ROBO2: variants seen among roughly 807,000 people sequenced by gnomAD.
ROBO2 encodes the protein roundabout homolog 2.
Under a neutral mutation model 160.8 loss-of-function variants are expected in ROBO2, and 53 were observed. That is an observed-to-expected ratio of 0.33 (90% CI 0.26 to 0.41). The LOEUF is 0.41. Ranked by LOEUF, ROBO2 falls within the 10% of genes least tolerant of loss-of-function variation. ROBO2 has a pLI of 1.00. For synonymous variants in ROBO2, 664 were observed against 611.7 expected, an observed-to-expected ratio of 1.09 and a Z score of -1.26; for missense variants, 1,577 against 1,722.4, an observed-to-expected ratio of 0.92 and a Z score of 1.49.
intron 23 of ROBO2, chr3:77,634,043 A>C (rs1220368285): frequency 6.6e-6 from 1 of 152,220 alleles, no homozygotes; most frequent in Non-Finnish European, 1.5e-5. Flanking sequence ...CATGCACATA[A>C]ACCAGGCCTC....
At chr3:76,557,606 T>C in intron 2 of ROBO2, among the ~76,000 whole-genome samples, 1 of 53,842 alleles carries the variant, frequency 1.9e-5, no homozygotes, top group Non-Finnish European at 4.3e-5. Flanking sequence ...AAGGGTGCCT[T>C]TTTTTTTTTT....
intron 2 of ROBO2, among the ~76,000 whole-genome samples, chr3:77,110,674 T>C (rs1467432730): frequency 6.7e-6 from 1 of 149,070 alleles, no homozygotes; most frequent in African/African-American, 2.4e-5. Flanking sequence ...TATAAGTATA[T>C]ATGTATATAC....
intron 2 of ROBO2, among the ~76,000 whole-genome samples, chr3:77,476,338 A>G (rs984103219): frequency 1.5e-4 from 22 of 151,558 alleles, no homozygotes; most frequent in Non-Finnish European, 3.1e-4. Flanking sequence ...TTGATTTCAA[A>G]CAGCTTGATG....
intron 9 of ROBO2, among the ~76,000 whole-genome samples, 156 bp downstream of exon 10, chr3:77,558,305 GAAATT>G (rs2093200078): frequency 6.6e-6 from 1 of 151,990 alleles, no homozygotes; most frequent in Admixed American, 6.6e-5. Flanking sequence ...ATGATGAAAT[GAAATT>G]AGAGGAAAGG....
chr3:76,172,251 A>G (rs934200484), intron 2 of ROBO2, among the ~76,000 whole-genome samples: 7 of 143,642 alleles, frequency 4.9e-5, no homozygotes, highest in African/African-American at 1.5e-4. Context: ...GAACACATGG[A>G]CACAGGAAGG....
At chr3:75,985,165 A>G (rs906310587) in intron 2 of ROBO2, among the ~76,000 whole-genome samples, 1 of 151,452 alleles carries the variant, frequency 6.6e-6, no homozygotes, top group African/African-American at 2.4e-5. Context: ...AGTAAATTCT[A>G]TCAAACTCTC....
At chr3:76,052,751 ATT>A (rs2067698303) in intron 2 of ROBO2, among the ~76,000 whole-genome samples, 1 of 151,990 alleles carries the variant, frequency 6.6e-6, no homozygotes, top group Non-Finnish European at 1.5e-5. Flanking sequence ...ATAATCTAAC[ATT>A]CATATCTTCA....
At chr3:76,879,558 A>G (rs1259869552) in intron 2 of ROBO2, among the ~76,000 whole-genome samples, 1 of 152,122 alleles carries the variant, frequency 6.6e-6, no homozygotes, top group Non-Finnish European at 1.5e-5. Flanking sequence ...ACTGCCAACA[A>G]GCAGAATACA....
intron 2 of ROBO2, among the ~76,000 whole-genome samples, chr3:76,046,949 C>A (rs72892618): frequency 2.0e-5 from 3 of 152,146 alleles, no homozygotes; most frequent in African/African-American, 7.2e-5. Flanking sequence ...GACCACATTT[C>A]TGACACCATC....
chr3:77,504,825 A>G (rs1453872338), intron 5 of ROBO2, among the ~76,000 whole-genome samples: 1 of 152,248 alleles, frequency 6.6e-6, no homozygotes, highest in African/African-American at 2.4e-5. Flanking sequence ...TGAACTATAT[A>G]CAAACTATGA....
chr3:76,875,875 A>C (rs1253505917), intron 2 of ROBO2, among the ~76,000 whole-genome samples: 1 of 151,974 alleles, frequency 6.6e-6, no homozygotes, highest in Non-Finnish European at 1.5e-5. Context: ...GCTGGTCTTG[A>C]ACTCCTGACC....
At chr3:76,831,011 A>G (rs543135049) in intron 2 of ROBO2, among the ~76,000 whole-genome samples, 2 of 152,046 alleles carry the variant, frequency 1.3e-5, no homozygotes, top group Non-Finnish European at 2.9e-5. Context: ...TTAATTAATA[A>G]TAATAACAAA....
chr3:76,839,441 C>A (rs2068019095), intron 2 of ROBO2, among the ~76,000 whole-genome samples: 1 of 152,140 alleles, frequency 6.6e-6, no homozygotes. Context: ...TGTTGTCCTT[C>A]ATTCTGTTGA....
chr3:77,304,207 A>C (rs1037220126), intron 2 of ROBO2, among the ~76,000 whole-genome samples: 1 of 152,190 alleles, frequency 6.6e-6, no homozygotes, highest in Non-Finnish European at 1.5e-5. Flanking sequence ...AGCAGAGTAA[A>C]TATCGCTGTC....
intron 2 of ROBO2, among the ~76,000 whole-genome samples, chr3:76,833,485 C>T (rs2067259284): frequency 6.6e-6 from 1 of 152,056 alleles, no homozygotes; most frequent in African/African-American, 2.4e-5. Flanking sequence ...GAAGACAAAA[C>T]GATATGAGGA....
intron 1 of ROBO2, among the ~76,000 whole-genome samples, chr3:77,054,045 G>A (rs2065473385): frequency 6.6e-6 from 1 of 152,128 alleles, no homozygotes; most frequent in South Asian, 2.1e-4. Flanking sequence ...GTACTTCATT[G>A]CCAGAACATG....
chr3:77,250,462 A>G (rs2090205559), intron 2 of ROBO2, among the ~76,000 whole-genome samples: 1 of 152,042 alleles, frequency 6.6e-6, no homozygotes, highest in Admixed American at 6.5e-5. Context: ...CCTGCTGGCG[A>G]GACGTTGTTA....
chr3:76,918,601 A>G (rs1056548362), intron 2 of ROBO2, among the ~76,000 whole-genome samples: 5 of 152,150 alleles, frequency 3.3e-5, no homozygotes, highest in Non-Finnish European at 7.4e-5. Context: ...TGTTAATATG[A>G]TTTCTTGATT....
chr3:77,390,212 C>T (rs1294031237), intron 2 of ROBO2, among the ~76,000 whole-genome samples: 1 of 152,170 alleles, frequency 6.6e-6, no homozygotes, highest in Admixed American at 6.5e-5. Context: ...TTTACTCGAC[C>T]TGTAGGTAAC....
Sources: gnomAD v4.1 joint callset for allele counts (sites outside exome capture counted in the v4.1 genomes callset) on GRCh38, gnomAD v4.1.1 for gene constraint, MANE v1.5 for transcripts, NCBI Gene and HGNC (gene_info 2026-07-23, HGNC 2026-07-21) for gene names.